HIVEP2: variants seen among roughly 807,000 people sequenced by gnomAD.
The protein encoded by HIVEP2 is transcription factor HIVEP2.
Under a neutral mutation model 180.7 loss-of-function variants are expected in HIVEP2, and 14 were observed. The ratio of observed to expected loss-of-function variants is 0.08; its 90% CI spans 0.05 to 0.12. The LOEUF is 0.12. Among genes scored for constraint, HIVEP2 ranks in the 10% least tolerant of loss-of-function variants. The pLI, the probability that HIVEP2 is intolerant of heterozygous loss-of-function variation, is 1.00. For missense variants in HIVEP2, 2,579 were observed against 3,008.5 expected, an observed-to-expected ratio of 0.86 and a Z score of 3.34; for synonymous variants, 1,184 against 1,136.4, an observed-to-expected ratio of 1.04 and a Z score of -0.84.
chr6:142,798,521 A>G (rs1776332093), intron 2 of HIVEP2, among the ~76,000 whole-genome samples: 1 of 152,164 alleles, frequency 6.6e-6, no homozygotes, highest in East Asian at 1.9e-4. Context: ...CCCCCTTTCT[A>G]GATCCACCTG....
rs1434666113 is a variant in HIVEP2, at chr6:142,822,381, C to T, written c.-528+14554G>A. 3.9e-5 allele frequency among the ~76,000 whole-genome samples: 6 copies of T among 152,238 alleles called. No individual in the cohort carries two copies. The Middle Eastern group carries it at 0.01, about 259-fold the overall frequency. On this transcript the variant is annotated intron_variant, in intron 2 of 9. Coordinates refer to ENST00000367603, the MANE Select transcript of HIVEP2 (RefSeq NM_006734.4). ...ATAATTCTTTATTAATAATTAAAAA[C>T]AAGATATAGTGCAGGTCTAATATTC...
intron 1 of HIVEP2, among the ~76,000 whole-genome samples, chr6:142,909,649 A>C (rs1458266261): frequency 6.6e-6 from 1 of 152,218 alleles, no homozygotes; most frequent in Non-Finnish European, 1.5e-5. Flanking sequence ...ATAAACATAG[A>C]TCACCATAGC....
chr6:142,885,101 C>T (rs1776663784), intron 1 of HIVEP2, among the ~76,000 whole-genome samples: 1 of 152,148 alleles, frequency 6.6e-6, no homozygotes, highest in African/African-American at 2.4e-5. Flanking sequence ...ACCAATCTAA[C>T]TGATTTGGAA....
At chr6:142,821,327 A>G (rs2114831781) in intron 2 of HIVEP2, among the ~76,000 whole-genome samples, 1 of 152,278 alleles carries the variant, frequency 6.6e-6, no homozygotes, top group South Asian at 2.1e-4. Flanking sequence ...TCGTAGTCTA[A>G]CCCCGAACCA....
intron 1 of HIVEP2, among the ~76,000 whole-genome samples, chr6:142,907,236 T>C (rs1777285581): frequency 6.6e-6 from 1 of 152,228 alleles, no homozygotes. Context: ...CCATTATTTC[T>C]ATGGGAGTTC....
At chr6:142,926,317 A>C (rs1215585729) in intron 1 of HIVEP2, among the ~76,000 whole-genome samples, 1 of 152,238 alleles carries the variant, frequency 6.6e-6, no homozygotes, top group Non-Finnish European at 1.5e-5. Context: ...CAAATTAATC[A>C]TATTCCCTAA....
chr6:142,814,468 T>C (rs1776782060), intron 2 of HIVEP2, among the ~76,000 whole-genome samples: 1 of 151,960 alleles, frequency 6.6e-6, no homozygotes, highest in Non-Finnish European at 1.5e-5. Flanking sequence ...TTCAGGGAGA[T>C]ATGATGAAGA....
At chr6:142,792,656 C>G (rs929401718) in intron 2 of HIVEP2, among the ~76,000 whole-genome samples, 2 of 152,044 alleles carry the variant, frequency 1.3e-5, no homozygotes, top group African/African-American at 4.8e-5. Flanking sequence ...CAGCAAACAA[C>G]CATGGCACAT....
intron 1 of HIVEP2, among the ~76,000 whole-genome samples, chr6:142,859,109 T>C (rs375844566): frequency 1.3e-5 from 2 of 152,182 alleles, no homozygotes; most frequent in South Asian, 2.1e-4. Context: ...ACTATGTAGA[T>C]ACTGTAGAAA....
chr6:142,804,363 C>T (rs1237519742), intron 2 of HIVEP2, among the ~76,000 whole-genome samples: 1 of 152,118 alleles, frequency 6.6e-6, no homozygotes, highest in African/African-American at 2.4e-5. Context: ...GGGTCACACT[C>T]TCCTGATCTG....
At chr6:142,874,482 T>G (rs1776375805) in intron 1 of HIVEP2, among the ~76,000 whole-genome samples, 1 of 152,120 alleles carries the variant, frequency 6.6e-6, no homozygotes, top group South Asian at 2.1e-4. Context: ...CACACCCTTA[T>G]TGAATTATAA....
chr6:142,842,474 A>C (rs1171163986), intron 1 of HIVEP2, among the ~76,000 whole-genome samples: 2 of 152,138 alleles, frequency 1.3e-5, no homozygotes, highest in Non-Finnish European at 2.9e-5. Context: ...AATGGGAAGA[A>C]AAAAAAGACC....
rs201805399 is a variant in HIVEP2, at chr6:142,773,569, C to G, written c.1170G>C (p.Pro390=). Residue 390 remains proline, a synonymous_variant, in exon 5 of 10, where the codon CCG becomes CCC. Transcript: ENST00000367603. ...DSEPSLNLLS[P]HSKGSTDSGY... ...CAGAATCAGTGCTTCCTTTACTGTGCGGGCTCAGAAGGTTGAGCGATGGCT... is the reference window on the plus strand; with the variant it reads ...CAGAATCAGTGCTTCCTTTACTGTGGGGGCTCAGAAGGTTGAGCGATGGCT... 31 of 1,614,052 alleles carry G rather than the reference C, an allele frequency of 1.9e-5. No individual in the cohort carries two copies. In the Admixed American group the frequency reaches 3.7e-4, roughly 19 times the overall value.
At chr6:142,775,174 G>C in intron 4 of HIVEP2, 49 bp from the exon 5 acceptor site, 13 of 438,254 alleles carry the variant, frequency 3.0e-5, no homozygotes, top group Non-Finnish European at 3.4e-5. Context: ...TTTCAAATAA[G>C]AAACCAAAAA....
chr6:142,917,907 C>G (rs1777597910), intron 1 of HIVEP2, among the ~76,000 whole-genome samples: 1 of 152,170 alleles, frequency 6.6e-6, no homozygotes, highest in Non-Finnish European at 1.5e-5. Context: ...TCTCGAGTAG[C>G]TGGGATTACA....
intron 1 of HIVEP2, among the ~76,000 whole-genome samples, chr6:142,869,816 G>A (rs1776242316): frequency 6.6e-6 from 1 of 152,096 alleles, no homozygotes; most frequent in East Asian, 1.9e-4. Flanking sequence ...TATTAACACA[G>A]TGACCCAAAA....
At chr6:142,942,297 GAA>G (rs11298750) in intron 1 of HIVEP2, among the ~76,000 whole-genome samples, 153 of 150,390 alleles carry the variant, frequency 1.0e-3, no homozygotes, top group African/African-American at 3.3e-3. Context: ...GCCCTGCTTT[GAA>G]AAAAAAAAAT....
intron 3 of HIVEP2, among the ~76,000 whole-genome samples, chr6:142,778,443 TTCAA>T (rs1230219601): frequency 1.3e-5 from 2 of 152,200 alleles, no homozygotes; most frequent in East Asian, 3.8e-4. Context: ...ACATTTTCAA[TTCAA>T]GACAAGCATG....
At chr6:142,780,040 A>T (rs2114684215) in intron 3 of HIVEP2, among the ~76,000 whole-genome samples, 1 of 152,346 alleles carries the variant, frequency 6.6e-6, no homozygotes, top group East Asian at 1.9e-4. Context: ...CTTTATTTTA[A>T]AAAATAATTT....
Sources: allele counts gnomAD v4.1 joint callset (sites outside exome capture counted in the v4.1 genomes callset), GRCh38; gene constraint gnomAD v4.1.1; transcripts MANE v1.5; gene names NCBI Gene and HGNC (gene_info 2026-07-23, HGNC 2026-07-21).